PPT1: variants seen among roughly 807,000 people sequenced by gnomAD.
The protein encoded by PPT1 is ceroid-palmitoyl-palmitoyl-protein thioesterase 1.
Under a neutral mutation model 44.0 loss-of-function variants are expected in PPT1, and 24 were observed. That is an observed-to-expected ratio of 0.54 (90% CI 0.39 to 0.77). PPT1 has a LOEUF of 0.77. PPT1 is among the 30% of genes least tolerant of loss of function. The pLI, the probability that PPT1 is intolerant of heterozygous loss-of-function variation, is 0.00. For synonymous variants in PPT1, 148 were observed against 140.2 expected (o/e 1.06, Z -0.39); for missense variants, 341 against 378.8 (o/e 0.90, Z 0.83).
chr1:40,097,016 G>A, intron 1 of PPT1, 99 bp downstream of exon 1: 1 of 1,602,730 alleles, frequency 6.2e-7, no homozygotes, highest in African/African-American at 1.3e-5. Flanking sequence ...CGTGCTGTGG[G>A]ACCACGTCCT....
chr1:40,083,474 T>TA (rs1231976151), intron 5 of PPT1, among the ~76,000 whole-genome samples: 1 of 151,794 alleles, frequency 6.6e-6, no homozygotes, highest in Non-Finnish European at 1.5e-5. Flanking sequence ...TTTTTTTAAT[T>TA]AAAAAAAGTT....
chr1:40,085,990 G>A (rs1005607482), intron 5 of PPT1, among the ~76,000 whole-genome samples: 12 of 152,124 alleles, frequency 7.9e-5, no homozygotes, highest in Admixed American at 1.3e-4. Flanking sequence ...CAAGTTCATC[G>A]GCTGAGGGCA....
In PPT1 at chr1:40,083,614, C is replaced by T. The variant is rs116357857; in HGVS notation, c.537-3127G>A. On this transcript the variant is annotated intron_variant, in intron 5 of 8. Transcript: ENST00000642050. ...TGCCTGCCACAGCACATCCATTCTA[C>T]AGCCCATGGATCAAGTAGTAATTTC... Among the ~76,000 whole-genome samples, 388 of 152,310 alleles carry T rather than the reference C, an allele frequency of 2.5e-3. 1 individual carries two copies. The highest frequency in any genetic ancestry group is 4.4e-3 in the Non-Finnish European group (302 of 68,020).
chr1:40,089,443 T>A lies in PPT1; in HGVS notation c.503A>T (p.Asn168Ile), dbSNP rs1243682841. 6.2e-7 allele frequency: 1 copy of A among 1,614,132 alleles called. No individual in the cohort carries two copies. Among genetic ancestry groups the A allele is most frequent in the South Asian group, 1.1e-5 (1 of 91,076 alleles). ...AACAACTTTGGAGTACGCCCCAGCA[T>A]TCAGTGTTTTTCGGATGAAGTCACA... ...HICDFIRKTLNAGAYSKVVQE... is the reference protein window; with the variant it reads ...HICDFIRKTLIAGAYSKVVQE... Residue 168 changes from asparagine to isoleucine, a missense_variant, in exon 5 of 9, where the codon AAT becomes ATT. By Grantham distance (149) the Asn-to-Ile change is moderately radical. Transcript: ENST00000642050.
At chr1:40,079,170 G>T (rs976534581) in intron 6 of PPT1, among the ~76,000 whole-genome samples, 1 of 152,132 alleles carries the variant, frequency 6.6e-6, no homozygotes, top group African/African-American at 2.4e-5. Flanking sequence ...CAAAGAACAG[G>T]ATTTCATTCT....
chr1:40,076,724 G>A, intron 8 of PPT1, 118 bp downstream of exon 8: 2 of 1,585,654 alleles, frequency 1.3e-6, no homozygotes, highest in African/African-American at 1.4e-5. Flanking sequence ...GGTGTTTCAG[G>A]AGTACCTAGT....
intron 6 of PPT1, among the ~76,000 whole-genome samples, chr1:40,079,338 T>G (rs1168184071): frequency 6.6e-6 from 1 of 152,104 alleles, no homozygotes; most frequent in Non-Finnish European, 1.5e-5. Context: ...GACAATTTGT[T>G]TTCCTTTGGG....
intron 4 of PPT1, among the ~76,000 whole-genome samples, chr1:40,091,109 T>C (rs1163912729): frequency 6.6e-6 from 1 of 152,166 alleles, no homozygotes. Flanking sequence ...GTCAATGAAA[T>C]TGGAGAGAAG....
At chr1:40,079,787 G>C (rs1402587671) in intron 6 of PPT1, among the ~76,000 whole-genome samples, 1 of 152,204 alleles carries the variant, frequency 6.6e-6, no homozygotes, top group Non-Finnish European at 1.5e-5. Context: ...CACTCCATAG[G>C]TGTCCATCAC....
Position 40,092,499 on chromosome 1 carries a change from A to G in PPT1, c.133T>C (p.Cys45Arg), listed in dbSNP as rs878853323. Residue 45 changes from cysteine (C) to arginine (R), a missense_variant, in exon 2 of 9, where the codon TGT becomes CGT. By Grantham distance (180) the Cys-to-Arg change is radical. Transcript: ENST00000642050. The part of the protein sequence containing the change: ...LVIWHGMGDS[C>R]CNPLSMGAIK... ...GCACCCATGCTTAAGGGATTGCAACAGCTGTCTCCTAGCCAACAAAACACA... is the reference window on the plus strand; with the variant it reads ...GCACCCATGCTTAAGGGATTGCAACGGCTGTCTCCTAGCCAACAAAACACA... 6.2e-7 allele frequency: 1 copy of G among 1,610,608 alleles called. No homozygotes were observed. Among genetic ancestry groups the G allele is most frequent in the South Asian group, 1.1e-5 (1 of 91,000 alleles).
At chr1:40,084,442 A>C (rs917725122) in intron 5 of PPT1, among the ~76,000 whole-genome samples, 22 of 152,336 alleles carry the variant, frequency 1.4e-4, no homozygotes, top group Non-Finnish European at 2.6e-4. Context: ...GTTCTGAAAG[A>C]TGTTCTATTG....
chr1:40,092,695 T>C (rs1437406485), intron 1 of PPT1, among the ~76,000 whole-genome samples, 188 bp from the exon 2 acceptor site: 1 of 136,268 alleles, frequency 7.3e-6, no homozygotes, highest in Admixed American at 7.2e-5. Context: ...ATAACTCACT[T>C]ACAACTCAAC....
At position 40,074,063 on chromosome 1, in the gene PPT1, A is replaced by ACTTGTCATCGTCGTCCTTGTAGTC; in HGVS notation, c.918_919insGACTACAAGGACGACGATGACAAG. 1 of 1,614,152 alleles carries ACTTGTCATCGTCGTCCTTGTAGTC rather than the reference A, an allele frequency of 6.2e-7. No individual in the cohort carries two copies. On this transcript the variant is annotated inframe_insertion, in exon 9 of 9. Transcript: ENST00000642050. ...CTCTATTGTGAACTATACGGGTTTCATCCAAGGAATGGTATGATGTGGGCA... is the reference window on the plus strand; with the variant it reads ...CTCTATTGTGAACTATACGGGTTTCACTTGTCATCGTCGTCCTTGTAGTCTCCAAGGAATGGTATGATGTGGGCA...
At chr1:40,084,848 C>A (rs1408562578) in intron 5 of PPT1, among the ~76,000 whole-genome samples, 1 of 152,226 alleles carries the variant, frequency 6.6e-6, no homozygotes, top group East Asian at 1.9e-4. Flanking sequence ...ATAGTGTGAG[C>A]CCTCTGTCAT....
rs370396045 is a variant in PPT1 at position 40,092,169 on chromosome 1, C to G, written c.238G>C (p.Val80Leu). Residue 80 changes from valine to leucine, a missense_variant, in exon 3 of 9, where the codon GTG becomes CTG. Coordinates refer to ENST00000642050, the MANE Select transcript of PPT1 (RefSeq NM_000310.4). ...ACATTCAAGAAGAAGCTGTTCTCCACGTCCTAAAAAAGAAGCCAGAGAGAA... is the reference window on the plus strand; with the variant it reads ...ACATTCAAGAAGAAGCTGTTCTCCAGGTCCTAAAAAAGAAGCCAGAGAGAA... ...LEIGKTLMED[V>L]ENSFFLNVNS... is the part of the protein sequence containing the mutation. The G allele has an allele frequency of 5.0e-6, 8 of 1,614,122 alleles. No homozygotes were observed. The highest frequency in any genetic ancestry group is 5.1e-6 in the Non-Finnish European group (6 of 1,179,980).
At chr1:40,080,534 G>C in intron 5 of PPT1, 47 bp from the exon 6 acceptor site, 7 of 1,571,424 alleles carry the variant, frequency 4.5e-6, no homozygotes, top group Non-Finnish European at 6.1e-6. Flanking sequence ...AGGTCAGTCA[G>C]TACGCCCAGG....
chr1:40,084,868 G>C (rs1649169736), intron 5 of PPT1, among the ~76,000 whole-genome samples: 1 of 152,242 alleles, frequency 6.6e-6, no homozygotes, highest in Non-Finnish European at 1.5e-5. Flanking sequence ...TGCCCGGACA[G>C]GGCCACTAGA....
At chr1:40,087,679 C>G (rs181940680) in intron 5 of PPT1, among the ~76,000 whole-genome samples, 42 of 151,992 alleles carry the variant, frequency 2.8e-4, no homozygotes, top group African/African-American at 9.6e-4. Context: ...GGCAACTGGG[C>G]AAGAGTGAGA....
chr1:40,092,575 G>T, intron 1 of PPT1, 68 bp from the exon 2 acceptor site: 1 of 1,229,414 alleles, frequency 8.1e-7, no homozygotes, highest in South Asian at 1.2e-5. Flanking sequence ...AAAACTCTGA[G>T]GCCTCAAACA....
Sources: gnomAD v4.1 joint callset for allele counts (sites outside exome capture counted in the v4.1 genomes callset) on GRCh38, gnomAD v4.1.1 for gene constraint, MANE v1.5 for transcripts, NCBI Gene and HGNC (gene_info 2026-07-23, HGNC 2026-07-21) for gene names.